SCOC: variants seen among roughly 807,000 people sequenced by gnomAD.
The protein encoded by SCOC is short coiled coil protein.
A neutral mutation model predicts 9.9 loss-of-function variants in SCOC; 7 were observed. That is an observed-to-expected ratio of 0.71 (90% CI 0.40 to 1.33). The LOEUF (loss-of-function observed/expected upper bound fraction) is 1.33. Among genes scored for constraint, SCOC ranks in the 40% most tolerant of loss-of-function variants. The pLI, the probability that SCOC is intolerant of heterozygous loss-of-function variation, is 0.01. For synonymous variants in SCOC, 19 were observed against 28.2 expected (o/e 0.67, Z 1.03); for missense variants, 66 against 89.7 (o/e 0.74, Z 1.07).
intron 1 of SCOC, among the ~76,000 whole-genome samples, chr4:140,276,107 A>G (rs1452810145): frequency 6.6e-6 from 1 of 151,990 alleles, no homozygotes; most frequent in Non-Finnish European, 1.5e-5. Flanking sequence ...GGTTCACGCC[A>G]TTCTCCTGCC....
intron 2 of SCOC, among the ~76,000 whole-genome samples, chr4:140,363,009 G>A (rs1268429050): frequency 6.6e-6 from 1 of 152,166 alleles, no homozygotes; most frequent in Non-Finnish European, 1.5e-5. Flanking sequence ...TAAGGGATGA[G>A]GTAATGCCTC....
intron 1 of SCOC, among the ~76,000 whole-genome samples, chr4:140,319,733 G>T (rs544516582): frequency 6.6e-6 from 1 of 151,706 alleles, no homozygotes; most frequent in South Asian, 2.1e-4. Context: ...GGTTAGAAAA[G>T]TACTTCTCCC....
intron 2 of SCOC, 40 bp downstream of exon 2, chr4:140,379,232 G>A: frequency 2.2e-6 from 3 of 1,344,900 alleles, no homozygotes; most frequent in Admixed American, 1.7e-5. Context: ...TCCTGGTTTT[G>A]TGGATGCTTT....
upstream of SCOC, chr4:140,369,337 A>G (rs779693935): frequency 3.2e-5 from 13 of 401,588 alleles, no homozygotes; most frequent in African/African-American, 2.7e-4. Context: ...TCATTCTCCA[A>G]TGAATTCAAT....
intron 1 of SCOC, among the ~76,000 whole-genome samples, chr4:140,318,220 T>C (rs1398449833): frequency 7.3e-6 from 1 of 137,362 alleles, no homozygotes; most frequent in Non-Finnish European, 1.5e-5. Flanking sequence ...AAAGCCAAAA[T>C]TGACAAATGG....
upstream of SCOC, chr4:140,373,644 G>C: frequency 1.3e-6 from 2 of 1,551,574 alleles, no homozygotes; most frequent in Non-Finnish European, 1.7e-6. Context: ...GGAGCTGCCG[G>C]GGTCAGTTGG....
upstream of SCOC, among the ~76,000 whole-genome samples, chr4:140,372,976 G>C (rs754757082): frequency 3.9e-5 from 6 of 152,196 alleles, no homozygotes; most frequent in Non-Finnish European, 7.3e-5. Context: ...CTCCACAGGG[G>C]TAAGGTAAGC....
chr4:140,354,146 T>G (rs571442201), intron 2 of SCOC, among the ~76,000 whole-genome samples: 1 of 152,386 alleles, frequency 6.6e-6, no homozygotes, highest in South Asian at 2.1e-4. Context: ...TTTGCTTTCA[T>G]CTTCATTTGT....
intron 1 of SCOC, chr4:140,314,051 C>T (rs548997564): frequency 6.6e-6 from 1 of 151,316 alleles, no homozygotes; most frequent in African/African-American, 2.4e-5. Flanking sequence ...ATTTCTTGAA[C>T]CAGGAGGTGC....
chr4:140,358,684 T>C (rs1727336309), intron 2 of SCOC, among the ~76,000 whole-genome samples: 1 of 152,202 alleles, frequency 6.6e-6, no homozygotes, highest in South Asian at 2.1e-4. Flanking sequence ...ATTCAGAAAG[T>C]AGTCACTCAA....
intron 2 of SCOC, 51 bp from the exon 3 acceptor site, chr4:140,379,518 A>C (rs1224864336): frequency 1.5e-6 from 2 of 1,331,984 alleles, no homozygotes; most frequent in East Asian, 2.3e-5. Flanking sequence ...GCTACCCTAC[A>C]CAAATGTACC....
intron 2 of SCOC, among the ~76,000 whole-genome samples, chr4:140,354,706 C>T (rs1343824427): frequency 6.6e-6 from 1 of 151,260 alleles, no homozygotes; most frequent in African/African-American, 2.4e-5. Context: ...ATGATTATAT[C>T]CTTAAGGGTT....
chr4:140,304,435 C>A (rs1731906082), intron 1 of SCOC, among the ~76,000 whole-genome samples: 1 of 151,972 alleles, frequency 6.6e-6, no homozygotes, highest in Admixed American at 6.6e-5. Flanking sequence ...ACAAAACAAA[C>A]CACAAAAATA....
chr4:140,380,283 T>C (rs964344174), intron 3 of SCOC, among the ~76,000 whole-genome samples: 4 of 148,168 alleles, frequency 2.7e-5, no homozygotes, highest in Non-Finnish European at 4.5e-5. Context: ...CTGCAACCTC[T>C]GCCTCCCAGG....
intron 1 of SCOC, among the ~76,000 whole-genome samples, chr4:140,306,746 C>T (rs756168776): frequency 2.0e-5 from 3 of 148,770 alleles, no homozygotes; most frequent in African/African-American, 2.6e-5. Flanking sequence ...AAGTGGAAGC[C>T]AGCTGGTCAG....
Position 140,275,411 on chromosome 4 carries a change from T to A in SCOC, c.-19+18001T>A, listed in dbSNP as rs1730957858. Reference sequence around the variant, plus strand: ...ACTTTGCCATAGATGTATGATAGCCTTTACCAAGTTGTATTGTATTACATA... The same window carrying A: ...ACTTTGCCATAGATGTATGATAGCCATTACCAAGTTGTATTGTATTACATA... On this transcript the variant is annotated intron_variant, in intron 1 of 4. Transcript: ENST00000394205. 2.0e-5 allele frequency among the ~76,000 whole-genome samples: 3 copies of A among 152,314 alleles called. No homozygotes were observed. The Middle Eastern group carries it at 0.01, about 518-fold the overall frequency.
chr4:140,269,419 G>A (rs1431672739), intron 1 of SCOC, among the ~76,000 whole-genome samples: 1 of 152,008 alleles, frequency 6.6e-6, no homozygotes, highest in Non-Finnish European at 1.5e-5. Context: ...ATCTGACTAC[G>A]CTGAAGCCAC....
intron 1 of SCOC, among the ~76,000 whole-genome samples, chr4:140,308,650 C>T (rs531544165): frequency 6.6e-5 from 10 of 152,308 alleles, no homozygotes; most frequent in Admixed American, 2.0e-4. Flanking sequence ...TGTGCACGCA[C>T]GCTCATGCAC....
intron 1 of SCOC, among the ~76,000 whole-genome samples, chr4:140,274,698 G>C (rs1270205581): frequency 6.6e-6 from 1 of 152,150 alleles, no homozygotes; most frequent in Non-Finnish European, 1.5e-5. Flanking sequence ...TCTAATTCAT[G>C]CAAGACCTGG....
Sources: allele counts gnomAD v4.1 joint callset (sites outside exome capture counted in the v4.1 genomes callset), GRCh38; gene constraint gnomAD v4.1.1; transcripts MANE v1.5; gene names NCBI Gene and HGNC (gene_info 2026-07-23, HGNC 2026-07-21).